The following THRAP3 variants were observed in gnomAD, a reference collection of about 807,000 sequenced individuals.
The protein encoded by THRAP3 is thyroid hormone receptor-associated protein 3.
In THRAP3, 16 loss-of-function variants were observed where a neutral mutation model predicts 101.0. The observed-to-expected ratio is 0.16, with a 90% CI of 0.11 to 0.24. The LOEUF (loss-of-function observed/expected upper bound fraction) is 0.24. THRAP3 is among the 10% of genes least tolerant of loss of function. The probability of loss-of-function intolerance (pLI) is 1.00; values close to 1 mark genes in which losing one functional copy is unlikely to be tolerated. For missense variants in THRAP3, 989 were observed against 1,202.7 expected (o/e 0.82, Z 2.63); for synonymous variants, 407 against 422.6 (o/e 0.96, Z 0.45).
Position 36,286,329 on chromosome 1 carries a change from C to T in THRAP3, c.138-39C>T. On this transcript the variant is annotated intron_variant, in intron 3 of 11. Transcript: ENST00000354618. This position sits in a 1 kb window ranked among gnomAD's most constrained non-coding sequence, Gnocchi z 5.5. Reference sequence around the variant, plus strand: ...TTTTCTTGAATAAAAATGCTTGTGTCAAAAATTCAAACATTTGTCTCTTTC... The same window carrying T: ...TTTTCTTGAATAAAAATGCTTGTGTTAAAAATTCAAACATTTGTCTCTTTC... 6.6e-7 allele frequency: 1 copy of T among 1,521,902 alleles called. No individual in the cohort carries two copies. The highest frequency in any genetic ancestry group is 1.8e-4 in the Middle Eastern group (1 of 5,654). The allele number at this position is 1,521,902 out of a possible 1,614,324, so 94.3% of individuals were successfully genotyped here.
intron 1 of THRAP3, among the ~76,000 whole-genome samples, chr1:36,244,399 T>A (rs1645206277): frequency 6.6e-6 from 1 of 152,202 alleles, no homozygotes; most frequent in Admixed American, 6.5e-5. Context: ...CTTCAAAGGT[T>A]GAATGTGCCT....
At chr1:36,233,319 A>G (rs1645049831) in intron 1 of THRAP3, among the ~76,000 whole-genome samples, 1 of 151,764 alleles carries the variant, frequency 6.6e-6, no homozygotes, top group Admixed American at 6.6e-5. Context: ...CATCCTGGCT[A>G]ACATGGTGAA....
At chr1:36,234,460 C>T (rs927295625) in intron 1 of THRAP3, among the ~76,000 whole-genome samples, 1 of 152,054 alleles carries the variant, frequency 6.6e-6, no homozygotes, top group Admixed American at 6.6e-5. Flanking sequence ...TGTCATTCTT[C>T]AGGCCAGTGT....
chr1:36,288,874 A>G (rs567959409), intron 4 of THRAP3, 186 bp from the exon 5 acceptor site: 2 of 985,386 alleles, frequency 2.0e-6, no homozygotes, highest in South Asian at 9.4e-5. Context: ...TGGCAAGTTC[A>G]TAGAACTGTG....
intron 1 of THRAP3, among the ~76,000 whole-genome samples, chr1:36,235,668 AT>A (rs1265111070): frequency 1.3e-5 from 2 of 152,176 alleles, no homozygotes; most frequent in African/African-American, 4.8e-5. Flanking sequence ...AGCAGTATAA[AT>A]TGCTGTAGAC....
chr1:36,300,616 C>T (rs530101176), intron 9 of THRAP3, among the ~76,000 whole-genome samples: 5 of 152,136 alleles, frequency 3.3e-5, no homozygotes, highest in African/African-American at 7.2e-5. Context: ...CTCCTGGAGG[C>T]CATGGACTGT....
chr1:36,271,688 A>G lies in THRAP3; in HGVS notation c.-31-10845A>G, dbSNP rs11803161. 3.3e-3 allele frequency among the ~76,000 whole-genome samples: 466 copies of G among 143,210 alleles called. 4 individuals are homozygous for G. Among genetic ancestry groups the G allele is most frequent in the African/African-American group, 0.012 (450 of 38,136 alleles). 94.0% of individuals were successfully genotyped at this position (143,210 alleles called of 152,430 possible). A position where few individuals can be genotyped will look rare whatever the true frequency, so the allele number is the denominator to read the frequency against. ...CGCTCACCACAACCTCCACCTCCCG[A>G]GTTCAAGCAATTCTCCTGCCTCAGC... On this transcript the variant is annotated intron_variant, in intron 2 of 11. Coordinates refer to ENST00000354618, the MANE Select transcript of THRAP3 (RefSeq NM_005119.4).
intron 2 of THRAP3, among the ~76,000 whole-genome samples, chr1:36,278,433 G>A (rs188184483): frequency 3.9e-5 from 6 of 152,110 alleles, no homozygotes; most frequent in Admixed American, 2.0e-4. Flanking sequence ...TAAGTAAAAC[G>A]CATCTGTTTT....
chr1:36,274,929 C>T (rs1026494360), intron 2 of THRAP3, among the ~76,000 whole-genome samples: 2 of 149,092 alleles, frequency 1.3e-5, no homozygotes. Flanking sequence ...CTGTGCCCGG[C>T]CAATTAATTG....
intron 1 of THRAP3, among the ~76,000 whole-genome samples, chr1:36,230,316 C>G (rs1645014024): frequency 6.6e-6 from 1 of 151,932 alleles, no homozygotes; most frequent in Non-Finnish European, 1.5e-5. Context: ...TGGGGTTTCT[C>G]CATGTTGGTC....
intron 3 of THRAP3, among the ~76,000 whole-genome samples, chr1:36,285,915 T>TA (rs1645790048): frequency 1.3e-5 from 2 of 152,084 alleles, no homozygotes; most frequent in South Asian, 2.1e-4. Context: ...TGTGGAGTGT[T>TA]ACCACATTGT....
chr1:36,223,612 TA>T (rs1243304212), upstream of THRAP3, among the ~76,000 whole-genome samples: 1 of 152,182 alleles, frequency 6.6e-6, no homozygotes, highest in Non-Finnish European at 1.5e-5. Context: ...GCAAAACTGA[TA>T]AACGCAGAGA....
intron 2 of THRAP3, among the ~76,000 whole-genome samples, chr1:36,274,625 C>CTTTTT (rs573419051): frequency 4.0e-3 from 235 of 59,000 alleles, no homozygotes; most frequent in Non-Finnish European, 5.2e-3. Flanking sequence ...ATTAATTGGG[C>CTTTTT]TTTTTTTTTT....
At chr1:36,253,324 C>T (rs1645331394) in intron 1 of THRAP3, among the ~76,000 whole-genome samples, 1 of 152,094 alleles carries the variant, frequency 6.6e-6, no homozygotes, top group Non-Finnish European at 1.5e-5. Context: ...TAGATGGAAG[C>T]TCCTTAGCTG....
At chr1:36,248,784 G>A (rs1333884679) in intron 1 of THRAP3, among the ~76,000 whole-genome samples, 1 of 151,848 alleles carries the variant, frequency 6.6e-6, no homozygotes, top group African/African-American at 2.4e-5. Flanking sequence ...ATTATCTTGG[G>A]GCTCAAACTT....
At chr1:36,230,854 T>C (rs1173844137) in intron 1 of THRAP3, among the ~76,000 whole-genome samples, 1 of 152,188 alleles carries the variant, frequency 6.6e-6, no homozygotes, top group African/African-American at 2.4e-5. Context: ...GGAGATTTTG[T>C]GTAAAAATGT....
chr1:36,231,982 T>C (rs1274909060), intron 1 of THRAP3, among the ~76,000 whole-genome samples: 1 of 152,096 alleles, frequency 6.6e-6, no homozygotes, highest in African/African-American at 2.4e-5. Flanking sequence ...TTTGGGAGGC[T>C]GAGGTGGGTG....
At chr1:36,207,689 G>A in the THRAP3 span, among the ~76,000 whole-genome samples, 1 of 152,150 alleles carries the variant, frequency 6.6e-6, no homozygotes, top group Admixed American at 6.6e-5. Flanking sequence ...TGACAGACCA[G>A]GCTAGTAGCA....
intron 1 of THRAP3, among the ~76,000 whole-genome samples, chr1:36,243,802 A>AT (rs1570250591): frequency 0.015 from 7 of 460 alleles, no homozygotes; most frequent in Admixed American, 0.043. Context: ...CACCTCCCGG[A>AT]CGGGCGGCTG....
Sources: gnomAD v4.1 joint callset for allele counts (sites outside exome capture counted in the v4.1 genomes callset) on GRCh38, gnomAD v4.1.1 for gene constraint, Gnocchi (gnomAD v3.1) non-coding constraint, MANE v1.5 for transcripts, NCBI Gene and HGNC (gene_info 2026-07-23, HGNC 2026-07-21) for gene names.